Variants in CLMN observed in about 807,000 individuals in gnomAD.
The protein encoded by CLMN is calmin (calponin-like, transmembrane).
In CLMN, 57 loss-of-function variants were observed where a neutral mutation model predicts 92.7. The observed-to-expected ratio is 0.61, with a 90% CI of 0.50 to 0.77. The LOEUF (loss-of-function observed/expected upper bound fraction) is 0.77, where lower values mean the gene tolerates loss of function less well. CLMN is among the 30% of genes least tolerant of loss of function. The pLI is 0.00. For synonymous variants in CLMN, 466 were observed against 470.6 expected (o/e 0.99, Z 0.13); for missense variants, 1,158 against 1,237.5 (o/e 0.94, Z 0.96).
chr14:95,303,794 G>A (rs527832160), intron 1 of CLMN, among the ~76,000 whole-genome samples: 15 of 152,346 alleles, frequency 9.8e-5, no homozygotes, highest in Non-Finnish European at 1.8e-4. Flanking sequence ...CCATCTGGCT[G>A]TTCTGAGATG....
chr14:95,318,637 G>T (rs1170151588), intron 1 of CLMN, among the ~76,000 whole-genome samples: 1 of 152,068 alleles, frequency 6.6e-6, no homozygotes, highest in African/African-American at 2.4e-5. Flanking sequence ...CTCTGCCCAG[G>T]CCTCCCAGCT....
At chr14:95,268,282 T>C (rs1015418163) in intron 1 of CLMN, among the ~76,000 whole-genome samples, 3 of 152,020 alleles carry the variant, frequency 2.0e-5, no homozygotes, top group Non-Finnish European at 4.4e-5. Context: ...CCTGAAAATA[T>C]GTGTATCGTT....
At position 95,196,589 on chromosome 14, in the gene CLMN, G is replaced by T; in HGVS notation, c.2617C>A (p.His873Asn). The change falls in exon 10 of 13, where the codon CAC (histidine) becomes AAC (asparagine). Residue 873 changes from histidine to asparagine, a missense_variant. By Grantham distance (68) the His-to-Asn change is moderately conservative. Coordinates refer to ENST00000298912, the MANE Select transcript of CLMN (RefSeq NM_024734.4). ...GCTACAAATAGTGAACTTTCTACGT[G>T]GTCCACATGTTTCCTTTTTTCCTTT... ...KKKEKRKHVD[H>N]VESSLFVAPG... The T allele has an allele frequency of 6.2e-7, 1 of 1,614,112 alleles. No individual in the cohort carries two copies. Among genetic ancestry groups the T allele is most frequent in the Non-Finnish European group, 8.5e-7 (1 of 1,180,004 alleles).
intron 1 of CLMN, among the ~76,000 whole-genome samples, chr14:95,245,228 TATATATATATTATATATATATATATA>T (rs1566891167): frequency 3.0e-5 from 1 of 33,820 alleles, no homozygotes; most frequent in African/African-American, 2.0e-4. Context: ...ATATATATTA[TATATATATATTATATATATATATATA>T]ATATATATAT....
At chr14:95,257,436 G>A (rs1163677336) in intron 1 of CLMN, among the ~76,000 whole-genome samples, 3 of 152,142 alleles carry the variant, frequency 2.0e-5, no homozygotes, top group African/African-American at 7.2e-5. Flanking sequence ...TTTGTTCATA[G>A]AATAATTATC....
intron 1 of CLMN, among the ~76,000 whole-genome samples, chr14:95,319,392 C>T (rs1180767900): frequency 6.6e-6 from 1 of 152,148 alleles, no homozygotes; most frequent in Non-Finnish European, 1.5e-5. Context: ...CCCCCAAGAG[C>T]CCACGTACAA....
At chr14:95,232,195 G>C (rs560726843) in intron 1 of CLMN, among the ~76,000 whole-genome samples, 2 of 152,380 alleles carry the variant, frequency 1.3e-5, no homozygotes, top group Admixed American at 1.3e-4. Context: ...GTCTGGGTGA[G>C]GGTGCGTGGT....
intron 1 of CLMN, among the ~76,000 whole-genome samples, chr14:95,248,619 C>G (rs1898663817): frequency 6.6e-6 from 1 of 152,238 alleles, no homozygotes; most frequent in African/African-American, 2.4e-5. Flanking sequence ...TAGGTCACCA[C>G]CCCCTGCAAT....
At chr14:95,222,550 A>G (rs772880954) in intron 3 of CLMN, 8 of 455,320 alleles carry the variant, frequency 1.8e-5, no homozygotes, top group African/African-American at 6.0e-5. Flanking sequence ...CCAGAATCAA[A>G]GACTCCCCGT....
chr14:95,219,970 C>T (rs983354230), intron 4 of CLMN, among the ~76,000 whole-genome samples: 5 of 152,124 alleles, frequency 3.3e-5, no homozygotes, highest in African/African-American at 9.7e-5. Flanking sequence ...CCCCTGTCTT[C>T]CCACAGCCCA....
At position 95,319,781 on chromosome 14, in the gene CLMN, G is replaced by T. The variant is rs367887539; in HGVS notation, c.12C>A (p.His4Gln). Residue 4 changes from histidine (H) to glutamine (Q), a missense_variant, in exon 1 of 13, where the codon CAC becomes CAA. Transcript: ENST00000298912. ...CCTCGCGTTGGAACCAGTCCCACTCGTGTGCAGCCATGAAGCGCGGGCGGG... is the reference window on the plus strand; with the variant it reads ...CCTCGCGTTGGAACCAGTCCCACTCTTGTGCAGCCATGAAGCGCGGGCGGG... MAA[H>Q]EWDWFQREEL... The T allele has an allele frequency of 2.5e-6, 4 of 1,581,652 alleles. No homozygotes were observed. The highest frequency in any genetic ancestry group is 3.4e-6 in the Non-Finnish European group (4 of 1,170,164).
chr14:95,197,166 T>C lies in CLMN; in HGVS notation c.2512-472A>G, dbSNP rs1258231868. Reference sequence around the variant, plus strand: ...CGGGAGGTGGAGGTGGGAGGATTGCTTGGGCCTGGGAGGCAGAGGTTGCAG... The same window carrying C: ...CGGGAGGTGGAGGTGGGAGGATTGCCTGGGCCTGGGAGGCAGAGGTTGCAG... On this transcript the variant is annotated intron_variant, in intron 9 of 12. Coordinates refer to ENST00000298912, the MANE Select transcript of CLMN (RefSeq NM_024734.4). Among the ~76,000 whole-genome samples the C allele has an allele frequency of 2.6e-5, 4 of 152,064 alleles. No homozygotes were observed. The East Asian group carries it at 7.7e-4, about 29-fold the overall frequency.
intron 1 of CLMN, among the ~76,000 whole-genome samples, chr14:95,313,646 A>C (rs997809362): frequency 1.1e-4 from 17 of 152,176 alleles, no homozygotes; most frequent in African/African-American, 3.9e-4. Context: ...TAAACAAAAA[A>C]AAAAAAAAGG....
Position 95,210,568 on chromosome 14 carries a change from T to A in CLMN, c.802+118A>T, listed in dbSNP as rs1488635286. 38 of 971,860 alleles carry A rather than the reference T, an allele frequency of 3.9e-5. No homozygotes were observed. In the East Asian group the frequency reaches 1.0e-3, roughly 26 times the overall value. 60.2% of individuals were successfully genotyped at this position (971,860 alleles called of 1,614,324 possible). On this transcript the variant is annotated intron_variant, in intron 7 of 12. Coordinates refer to ENST00000298912, the MANE Select transcript of CLMN (RefSeq NM_024734.4). ...CCATATGATCTGAGTGGTAGAAATATAGGAGAAAAAATCTTCTTCATTAGA... is the reference window on the plus strand; with the variant it reads ...CCATATGATCTGAGTGGTAGAAATAAAGGAGAAAAAATCTTCTTCATTAGA...
At chr14:95,313,241 A>G (rs1901619655) in intron 1 of CLMN, among the ~76,000 whole-genome samples, 1 of 152,172 alleles carries the variant, frequency 6.6e-6, no homozygotes, top group Non-Finnish European at 1.5e-5. Flanking sequence ...ACACACATAC[A>G]CACACCACTT....
chr14:95,208,837 C>T (rs1351228721), intron 8 of CLMN, among the ~76,000 whole-genome samples: 2 of 152,186 alleles, frequency 1.3e-5, no homozygotes, highest in Non-Finnish European at 2.9e-5. Context: ...TCTCACCATC[C>T]TGCTCTGTCC....
In CLMN at chr14:95,196,612, T is replaced by C. The variant is rs1257623409; in HGVS notation, c.2594A>G (p.Lys865Arg). ...GTGGTCCACATGTTTCCTTTTTTCC[T>C]TTTTTTTACTACTGATTGATTCTTT... Reference protein sequence around the residue: ...VTKESISSKKKEKRKHVDHVE... With the variant: ...VTKESISSKKREKRKHVDHVE... Residue 865 changes from lysine to arginine, a missense_variant, in exon 10 of 13, where the codon AAG becomes AGG. Physicochemically the swap from Lys to Arg is conservative, Grantham distance 26. Transcript: ENST00000298912. 1 of 1,613,296 alleles carries C rather than the reference T, an allele frequency of 6.2e-7. No individual in the cohort carries two copies. Among genetic ancestry groups the C allele is most frequent in the East Asian group, 2.2e-5 (1 of 44,886 alleles).
intron 1 of CLMN, among the ~76,000 whole-genome samples, chr14:95,238,978 TA>T (rs1898153082): frequency 1.3e-5 from 2 of 152,128 alleles, no homozygotes; most frequent in Admixed American, 1.3e-4. Context: ...ATAACTAAAA[TA>T]GAAAAATAAA....
intron 1 of CLMN, among the ~76,000 whole-genome samples, chr14:95,298,983 C>A (rs887427116): frequency 2.6e-5 from 4 of 152,226 alleles, no homozygotes; most frequent in Non-Finnish European, 4.4e-5. Context: ...AAAGCCACTT[C>A]CAGTACTTCC....
Sources: gnomAD v4.1 joint callset for allele counts (sites outside exome capture counted in the v4.1 genomes callset) on GRCh38, gnomAD v4.1.1 for gene constraint, MANE v1.5 for transcripts, NCBI Gene and HGNC (gene_info 2026-07-23, HGNC 2026-07-21) for gene names.